DIAPH2: variants seen among roughly 807,000 people sequenced by gnomAD.
DIAPH2 encodes the protein protein diaphanous homolog 2.
A neutral mutation model predicts 92.7 loss-of-function variants in DIAPH2; 35 were observed. The observed-to-expected ratio is 0.38, with a 90% CI of 0.29 to 0.50. The LOEUF (loss-of-function observed/expected upper bound fraction) is 0.50. DIAPH2 is among the 20% of genes least tolerant of loss of function. DIAPH2 has a pLI of 0.94. For missense variants in DIAPH2, 701 were observed against 819.5 expected, an observed-to-expected ratio of 0.86 and a Z score of 1.77; for synonymous variants, 301 against 280.4, an observed-to-expected ratio of 1.07 and a Z score of -0.73.
intron 22 of DIAPH2, among the ~76,000 whole-genome samples, chrX:97,204,961 G>C (rs1471786543): frequency 9.0e-6 from 1 of 111,446 alleles, no homozygotes; most frequent in Non-Finnish European, 1.9e-5. Context: ...CATGGTACTT[G>C]TACCAAAACA....
chrX:97,121,767 A>C (rs2147386553), intron 21 of DIAPH2, among the ~76,000 whole-genome samples: 1 of 112,191 alleles, frequency 8.9e-6, no homozygotes, highest in Admixed American at 9.5e-5. Context: ...TGAGACTATT[A>C]ATTTAAAACC....
At chrX:96,739,962 C>A (rs2064109435) in intron 3 of DIAPH2, among the ~76,000 whole-genome samples, 1 of 112,131 alleles carries the variant, frequency 8.9e-6, no homozygotes, top group Admixed American at 9.4e-5. Flanking sequence ...TTGGTGATTT[C>A]AACTATTACG....
At chrX:97,183,806 A>C (rs2067559274) in intron 22 of DIAPH2, among the ~76,000 whole-genome samples, 1 of 112,142 alleles carries the variant, frequency 8.9e-6, no homozygotes, top group Admixed American at 9.5e-5. Flanking sequence ...TCATTAAGAT[A>C]AATATGTGCA....
intron 4 of DIAPH2, among the ~76,000 whole-genome samples, chrX:96,844,620 T>C (rs2064958983): frequency 8.9e-6 from 1 of 112,493 alleles, no homozygotes; most frequent in South Asian, 3.6e-4. Flanking sequence ...TCTGAGGATC[T>C]AAATGCTTAA....
chrX:97,261,029 A>G (rs1013836805), intron 23 of DIAPH2, among the ~76,000 whole-genome samples: 7 of 112,862 alleles, frequency 6.2e-5, no homozygotes, highest in Admixed American at 2.8e-4. Flanking sequence ...TTCTGCCTGT[A>G]GGCAGTTTAG....
At chrX:97,238,698 T>G (rs1191427834) in intron 22 of DIAPH2, among the ~76,000 whole-genome samples, 2 of 111,218 alleles carry the variant, frequency 1.8e-5, no homozygotes, top group Non-Finnish European at 3.8e-5. Flanking sequence ...AGTGATGAGC[T>G]TTTGCTATTG....
At chrX:96,852,481 A>T (rs2065012225) in intron 4 of DIAPH2, among the ~76,000 whole-genome samples, 1 of 112,047 alleles carries the variant, frequency 8.9e-6, no homozygotes, top group Non-Finnish European at 1.9e-5. Context: ...ATGAATATTT[A>T]TTTCTACCCA....
chrX:97,466,313 C>T (rs771102321), intron 26 of DIAPH2, among the ~76,000 whole-genome samples: 1 of 111,600 alleles, frequency 9.0e-6, no homozygotes, highest in Non-Finnish European at 1.9e-5. Flanking sequence ...TTGAAGAGCA[C>T]GGATCTTACC....
intron 23 of DIAPH2, among the ~76,000 whole-genome samples, chrX:97,319,416 T>G (rs1297681008): frequency 1.3e-4 from 14 of 106,662 alleles, no homozygotes; most frequent in African/African-American, 4.5e-4. Flanking sequence ...TGAGACGGAG[T>G]CTCGCTCTTT....
chrX:96,844,184 A>T (rs1023000898), intron 4 of DIAPH2, among the ~76,000 whole-genome samples: 25 of 112,726 alleles, frequency 2.2e-4, no homozygotes, highest in African/African-American at 7.7e-4. Context: ...AATATTTGAT[A>T]CTCCATTAAT....
At chrX:96,736,939 A>G (rs965661301) in intron 2 of DIAPH2, among the ~76,000 whole-genome samples, 2 of 112,373 alleles carry the variant, frequency 1.8e-5, no homozygotes, top group Admixed American at 9.5e-5. Flanking sequence ...AAATTTGACT[A>G]TTGGATATAT....
At chrX:97,182,993 A>T (rs1215559016) in intron 22 of DIAPH2, among the ~76,000 whole-genome samples, 2 of 111,399 alleles carry the variant, frequency 1.8e-5, no homozygotes, top group African/African-American at 6.5e-5. Flanking sequence ...TAAGGAAAGA[A>T]CTTTGGTGAA....
intron 19 of DIAPH2, among the ~76,000 whole-genome samples, chrX:97,089,974 C>T (rs951953347): frequency 2.7e-5 from 3 of 111,916 alleles, no homozygotes; most frequent in Non-Finnish European, 3.8e-5. Context: ...GTGATCTGCC[C>T]GCTTCAGCCT....
chrX:96,925,365 A>G (rs1464583489), intron 9 of DIAPH2, among the ~76,000 whole-genome samples: 1 of 111,078 alleles, frequency 9.0e-6, no homozygotes, highest in Non-Finnish European at 1.9e-5. Context: ...TAGCAGAAAC[A>G]TACTAGTCAT....
Position 97,129,959 on chromosome X carries a change from T to C in DIAPH2, c.2590-11706T>C, listed in dbSNP as rs1447016351. 4.5e-5 allele frequency among the ~76,000 whole-genome samples: 5 copies of C among 112,035 alleles called. No individual in the cohort carries two copies. The Admixed American group carries it at 4.7e-4, about 11-fold the overall frequency. ...AAAATGGGTAAACAAATTGAATAAA[T>C]ATTTCTCCAGAGAAGATAAACAGAT... On this transcript the variant is annotated intron_variant, in intron 21 of 26. Coordinates refer to ENST00000324765, the MANE Select transcript of DIAPH2 (RefSeq NM_006729.5).
At chrX:97,210,773 G>A (rs1034078550) in intron 22 of DIAPH2, among the ~76,000 whole-genome samples, 14 of 111,695 alleles carry the variant, frequency 1.3e-4, no homozygotes, top group Middle Eastern at 4.6e-3. Flanking sequence ...CAGATTATAA[G>A]AACACTGTTG....
intron 26 of DIAPH2, among the ~76,000 whole-genome samples, chrX:97,496,236 C>T (rs376988416): frequency 3.6e-5 from 3 of 83,054 alleles, no homozygotes; most frequent in Non-Finnish European, 6.4e-5. Context: ...AGTGCAATGG[C>T]GCGATCTTGG....
At chrX:96,689,333 G>A (rs769895971) in intron 1 of DIAPH2, among the ~76,000 whole-genome samples, 1 of 101,290 alleles carries the variant, frequency 9.9e-6, no homozygotes, top group African/African-American at 3.7e-5. Flanking sequence ...AGATTAAGGC[G>A]GAGAATGACC....
At chrX:96,745,346 G>A (rs1757083385) in intron 3 of DIAPH2, among the ~76,000 whole-genome samples, 2 of 111,908 alleles carry the variant, frequency 1.8e-5, no homozygotes, top group African/African-American at 6.5e-5. Flanking sequence ...ATGAGATTAT[G>A]CACAGTAATA....
Sources: allele counts gnomAD v4.1 joint callset (sites outside exome capture counted in the v4.1 genomes callset), GRCh38; gene constraint gnomAD v4.1.1; transcripts MANE v1.5; gene names NCBI Gene and HGNC (gene_info 2026-07-23, HGNC 2026-07-21).